Variants in UBA6 observed in about 807,000 individuals in gnomAD.
UBA6 encodes the protein ubiquitin like modifier activating enzyme 6.
Under a neutral mutation model 148.3 loss-of-function variants are expected in UBA6, and 87 were observed. That is an observed-to-expected ratio of 0.59 (90% CI 0.49 to 0.70). The LOEUF is 0.70. UBA6 is among the 30% of genes least tolerant of loss of function. The probability of loss-of-function intolerance (pLI) is 0.00; values close to 1 mark genes in which losing one functional copy is unlikely to be tolerated. For missense variants in UBA6, 1,186 were observed against 1,241.2 expected, an observed-to-expected ratio of 0.96 and a Z score of 0.67; for synonymous variants, 376 against 401.0, an observed-to-expected ratio of 0.94 and a Z score of 0.75.
chr4:67,664,935 C>T (rs1187205006), intron 10 of UBA6, among the ~76,000 whole-genome samples: 1 of 151,794 alleles, frequency 6.6e-6, no homozygotes, highest in African/African-American at 2.4e-5. Context: ...TCGGGTATAC[C>T]CATTTAGCTC....
chr4:67,637,649 GTGCTCTC>G (rs1729196255), intron 19 of UBA6, among the ~76,000 whole-genome samples: 3 of 151,978 alleles, frequency 2.0e-5, no homozygotes, highest in African/African-American at 7.3e-5. Context: ...CCCCAACCCG[GTGCTCTC>G]TGAAACGTGT....
chr4:67,650,407 A>C (rs185420768), intron 13 of UBA6, among the ~76,000 whole-genome samples: 1 of 152,112 alleles, frequency 6.6e-6, no homozygotes, highest in Non-Finnish European at 1.5e-5. Context: ...TAGGTTATGC[A>C]ACCTCCCAGG....
intron 22 of UBA6, 57 bp downstream of exon 22, chr4:67,634,185 A>T: frequency 2.4e-6 from 3 of 1,244,230 alleles, no homozygotes; most frequent in Non-Finnish European, 2.2e-6. Flanking sequence ...ATGACTTGAA[A>T]ATAAGATTAC....
chr4:67,665,423 G>GT, intron 9 of UBA6, 131 bp from the exon 10 acceptor site: 5 of 384,572 alleles, frequency 1.3e-5, no homozygotes, highest in East Asian at 6.3e-5. Flanking sequence ...GTTTTTTTTT[G>GT]TTTGTTTGTT....
chr4:67,626,811 G>T (rs34052085), intron 27 of UBA6, among the ~76,000 whole-genome samples: 31,130 of 151,706 alleles, frequency 0.21, 3,440 homozygotes, highest in Middle Eastern at 0.29. Flanking sequence ...TTACTGAGTA[G>T]CTCATACAAT....
chr4:67,641,884 T>C (rs1322947723), intron 17 of UBA6, among the ~76,000 whole-genome samples: 1 of 152,132 alleles, frequency 6.6e-6, no homozygotes, highest in Non-Finnish European at 1.5e-5. Context: ...GGACGCAAGA[T>C]GAAAGTAAAC....
At chr4:67,629,295 C>G (rs1272634701) in intron 26 of UBA6, among the ~76,000 whole-genome samples, 153 bp from the exon 27 acceptor site, 1 of 151,774 alleles carries the variant, frequency 6.6e-6, no homozygotes, top group Non-Finnish European at 1.5e-5. Context: ...ATCTTTATTT[C>G]TATAAAAATA....
intron 29 of UBA6, among the ~76,000 whole-genome samples, chr4:67,624,707 T>A (rs1447798828): frequency 6.6e-6 from 1 of 152,008 alleles, no homozygotes; most frequent in African/African-American, 2.4e-5. Context: ...AAAAACAGAG[T>A]ACCTGCTTTG....
intron 23 of UBA6, 133 bp downstream of exon 23, chr4:67,633,212 T>C: frequency 2.7e-6 from 2 of 751,612 alleles, no homozygotes; most frequent in South Asian, 5.4e-5. Flanking sequence ...TGTGTTCTCA[T>C]TTAACTTACT....
intron 6 of UBA6, among the ~76,000 whole-genome samples, chr4:67,674,050 T>C (rs755139228): frequency 1.3e-5 from 2 of 152,236 alleles, no homozygotes; most frequent in Non-Finnish European, 1.5e-5. Context: ...TAATATCCTA[T>C]GCAGTATTTA....
chr4:67,617,285 T>G lies in UBA6; in HGVS notation c.*1712A>C, dbSNP rs570369360. On this transcript the variant is annotated 3_prime_UTR_variant, in exon 33 of 33. Coordinates refer to ENST00000322244, the MANE Select transcript of UBA6 (RefSeq NM_018227.6). Reference sequence around the variant, plus strand: ...AAGTGAACGTGGAAAAAAGCCTTCTTTGCAAAAGTCCTTTTATTAGTCCTA... The same window carrying G: ...AAGTGAACGTGGAAAAAAGCCTTCTGTGCAAAAGTCCTTTTATTAGTCCTA... 6.6e-6 allele frequency: 1 copy of G among 152,236 alleles called. No individual in the cohort carries two copies. Among genetic ancestry groups the G allele is most frequent in the African/African-American group, 2.4e-5 (1 of 41,564 alleles). 9.4% of individuals were successfully genotyped at this position (152,236 alleles called of 1,614,324 possible). A position where few individuals can be genotyped will look rare whatever the true frequency, so the allele number is the denominator to read the frequency against.
chr4:67,700,783 G>A (rs1730961463), intron 1 of UBA6, among the ~76,000 whole-genome samples: 1 of 152,166 alleles, frequency 6.6e-6, no homozygotes, highest in Non-Finnish European at 1.5e-5. Flanking sequence ...TGACTTGGAG[G>A]AAGGAGGATC....
chr4:67,676,019 CTTTTTTTTTTT>C (rs397878783), intron 6 of UBA6, among the ~76,000 whole-genome samples: 1 of 117,152 alleles, frequency 8.5e-6, no homozygotes, highest in African/African-American at 3.3e-5. Flanking sequence ...ATAGTACTAC[CTTTTTTTTTTT>C]TTTTTTTTTT....
chr4:67,641,367 T>G, intron 17 of UBA6, 139 bp from the exon 18 acceptor site: 1 of 550,758 alleles, frequency 1.8e-6, no homozygotes. Context: ...ATACAAACAT[T>G]CCCAAATAGT....
At chr4:67,624,806 A>G (rs1728828041) in intron 29 of UBA6, among the ~76,000 whole-genome samples, 188 bp downstream of exon 29, 1 of 152,118 alleles carries the variant, frequency 6.6e-6, no homozygotes, top group Non-Finnish European at 1.5e-5. Context: ...TTAAAAATGT[A>G]TATTTATGTA....
chr4:67,697,301 G>A (rs968794735), intron 1 of UBA6, among the ~76,000 whole-genome samples: 2 of 152,178 alleles, frequency 1.3e-5, no homozygotes, highest in African/African-American at 2.4e-5. Context: ...CACTGTGCCC[G>A]CCTGTTTGGT....
chr4:67,674,648 A>G (rs891170820), intron 6 of UBA6, among the ~76,000 whole-genome samples: 5 of 152,190 alleles, frequency 3.3e-5, no homozygotes, highest in African/African-American at 1.2e-4. Context: ...AAACAGTAAC[A>G]GGATAGTTTG....
intron 2 of UBA6, among the ~76,000 whole-genome samples, chr4:67,695,111 G>T (rs929509731): frequency 6.6e-6 from 1 of 152,084 alleles, no homozygotes; most frequent in Non-Finnish European, 1.5e-5. Flanking sequence ...AGTTTCACAA[G>T]GATTAAACTA....
intron 13 of UBA6, among the ~76,000 whole-genome samples, chr4:67,652,845 C>T (rs1427591354): frequency 2.6e-5 from 4 of 152,254 alleles, no homozygotes; most frequent in Admixed American, 2.6e-4. Flanking sequence ...TCCTCACCAT[C>T]TTAGCAACCG....
Sources: allele counts gnomAD v4.1 joint callset (sites outside exome capture counted in the v4.1 genomes callset), GRCh38; gene constraint gnomAD v4.1.1; transcripts MANE v1.5; gene names NCBI Gene and HGNC (gene_info 2026-07-23, HGNC 2026-07-21).